LHX6: variants seen among roughly 807,000 people sequenced by gnomAD.
The protein encoded by LHX6 is LIM/homeobox protein Lhx6.
Under a neutral mutation model 47.1 loss-of-function variants are expected in LHX6, and 15 were observed. That is an observed-to-expected ratio of 0.32 (90% CI 0.21 to 0.49). The LOEUF (loss-of-function observed/expected upper bound fraction) is 0.49. Among genes scored for constraint, LHX6 ranks in the 20% least tolerant of loss-of-function variants. The probability of loss-of-function intolerance (pLI) is 0.99; values close to 1 mark genes in which losing one functional copy is unlikely to be tolerated. For synonymous variants in LHX6, 242 were observed against 233.5 expected (o/e 1.04, Z -0.33); for missense variants, 404 against 539.6 (o/e 0.75, Z 2.49).
Position 122,203,852 on chromosome 9 carries a change from A to AT in LHX6, c.*907dup, listed in dbSNP as rs1404028563. 6.6e-6 allele frequency: 1 copy of AT among 152,468 alleles called. No individual in the cohort carries two copies. Among genetic ancestry groups the AT allele is most frequent in the Non-Finnish European group, 1.5e-5 (1 of 68,118 alleles). 9.4% of individuals were successfully genotyped at this position (152,468 alleles called of 1,614,324 possible). On this transcript the variant is annotated 3_prime_UTR_variant, in exon 10 of 10. Coordinates refer to ENST00000394319, the MANE Select transcript of LHX6 (RefSeq NM_014368.5). The stretch of plus-strand genomic sequence containing the variant: ...GAGAAGACCTGGCCCAAGCACCACT[A>AT]TGAGAGGTCAACAAGTGGCCAACAG...
chr9:122,219,710 C>A (rs758736397), intron 4 of LHX6, among the ~76,000 whole-genome samples: 9 of 152,132 alleles, frequency 5.9e-5, no homozygotes, highest in Non-Finnish European at 1.2e-4. Flanking sequence ...TAGGAGGAAT[C>A]GAAGGTTCAG....
chr9:122,218,668 C>CCTCA (rs1400538114), intron 4 of LHX6, among the ~76,000 whole-genome samples: 2 of 152,118 alleles, frequency 1.3e-5, no homozygotes, highest in African/African-American at 4.8e-5. Flanking sequence ...TCCACTCTAC[C>CCTCA]CTCAGGATCT....
chr9:122,221,232 A>C, intron 4 of LHX6: 1 of 985,394 alleles, frequency 1.0e-6, no homozygotes, highest in Non-Finnish European at 1.2e-6. Flanking sequence ...GGGGGAAAAA[A>C]AACCCAGAAC....
Position 122,213,966 on chromosome 9 carries a change from C to A in LHX6, c.879+8G>T, listed in dbSNP as rs774253115. On this transcript the variant is annotated splice_region_variant and intron_variant, in intron 7 of 9. Coordinates refer to ENST00000394319, the MANE Select transcript of LHX6 (RefSeq NM_014368.5). The surrounding 1 kb of genome is among the most constrained non-coding windows in gnomAD (Gnocchi z 5.5). ...GCGGTCCCCAGGCCCCGCCCACCCC[C>A]GTCCCACCTGGATGACTCTCCGGCT... 7 of 1,580,124 alleles carry A rather than the reference C, an allele frequency of 4.4e-6. No individual in the cohort carries two copies. Among genetic ancestry groups the A allele is most frequent in the Non-Finnish European group, 5.2e-6 (6 of 1,161,538 alleles).
intron 9 of LHX6, among the ~76,000 whole-genome samples, chr9:122,208,197 A>G (rs923691607): frequency 3.7e-4 from 57 of 152,056 alleles, no homozygotes; most frequent in Admixed American, 1.3e-4. Context: ...CCTCCCAGAC[A>G]TGCCTGCCAA....
At position 122,209,571 on chromosome 9, in the gene LHX6, C is replaced by G. The variant is rs758841870; in HGVS notation, c.1158+43G>C. On this transcript the variant is annotated intron_variant, in intron 9 of 9. Coordinates refer to ENST00000394319, the MANE Select transcript of LHX6 (RefSeq NM_014368.5). Reference sequence around the variant, plus strand: ...GATGCTGCCAGAAACCCATCCCCAGCAGGGTGGCTCTGACCCACCAGACCC... The same window carrying G: ...GATGCTGCCAGAAACCCATCCCCAGGAGGGTGGCTCTGACCCACCAGACCC... 34 of 1,613,018 alleles carry G rather than the reference C, an allele frequency of 2.1e-5. No individual in the cohort carries two copies. The East Asian group carries it at 7.6e-4, about 36-fold the overall frequency.
intron 2 of LHX6, 172 bp downstream of exon 2, chr9:122,227,237 G>A (rs1003798437): frequency 1.2e-6 from 1 of 814,570 alleles, no homozygotes; most frequent in African/African-American, 1.8e-5. Flanking sequence ...TGGGTGCTGG[G>A]AGCGGTTAAA....
In LHX6 at chr9:122,204,716, C is replaced by T. The variant is rs766059909; in HGVS notation, c.*44G>A. ...ACACTGGATCTCAGCGGCTGAGGGG[C>T]AGCTGTGGGGCGCCCACGGGCAGAT... is the stretch of plus-strand genomic sequence containing the variant. On this transcript the variant is annotated 3_prime_UTR_variant, in exon 10 of 10. Transcript: ENST00000394319. 3.8e-6 allele frequency: 6 copies of T among 1,592,920 alleles called. No homozygotes were observed. The highest frequency in any genetic ancestry group is 1.7e-4 in the Middle Eastern group (1 of 5,894).
At chr9:122,227,528 G>T (rs1200062339) in intron 1 of LHX6, 48 bp from the exon 2 acceptor site, 1 of 1,515,930 alleles carries the variant, frequency 6.6e-7, no homozygotes, top group Admixed American at 2.1e-5. Flanking sequence ...TGCTGAACTG[G>T]CTCCGCACAG....
chr9:122,228,908 C>G lies in LHX6; in HGVS notation c.-168G>C, dbSNP rs1209796396. On this transcript the variant is annotated 5_prime_UTR_variant, in exon 1 of 10. Coordinates refer to ENST00000394319, the MANE Select transcript of LHX6 (RefSeq NM_014368.5). The stretch of plus-strand genomic sequence containing the variant: ...GCCCCCGCCCCCGGCCCGCGCGCAG[C>G]CCCGGCCTCCCTGGCTGCTGCCGCC... The G allele has an allele frequency of 1.5e-5, 4 of 263,568 alleles. No individual in the cohort carries two copies. The highest frequency in any genetic ancestry group is 2.6e-5 in the Non-Finnish European group (4 of 152,540). 16.3% of individuals were successfully genotyped at this position (263,568 alleles called of 1,614,324 possible).
chr9:122,218,749 T>A (rs1830694153), intron 4 of LHX6, among the ~76,000 whole-genome samples: 1 of 152,002 alleles, frequency 6.6e-6, no homozygotes, highest in Non-Finnish European at 1.5e-5. Context: ...CTCCCTAACC[T>A]TCAAGATATG....
chr9:122,210,187 G>T (rs1035538328), intron 8 of LHX6, among the ~76,000 whole-genome samples: 1 of 151,870 alleles, frequency 6.6e-6, no homozygotes, highest in African/African-American at 2.4e-5. Context: ...CAAAGTGCTG[G>T]GATTACAGGC....
chr9:122,227,680 T>G, intron 1 of LHX6, 200 bp from the exon 2 acceptor site: 1 of 1,125,222 alleles, frequency 8.9e-7, no homozygotes, highest in South Asian at 2.2e-5. Flanking sequence ...TTGGATTTTT[T>G]CCCTCTCTCT....
Position 122,213,553 on chromosome 9 carries a change from C to A in LHX6, c.1054+53G>T. 1.3e-6 allele frequency: 2 copies of A among 1,482,992 alleles called. No homozygotes were observed. The highest frequency in any genetic ancestry group is 1.8e-6 in the Non-Finnish European group (2 of 1,119,056). 91.9% of individuals were successfully genotyped at this position (1,482,992 alleles called of 1,614,324 possible). A position where few individuals can be genotyped will look rare whatever the true frequency, so the allele number is the denominator to read the frequency against. On this transcript the variant is annotated intron_variant, in intron 8 of 9. Coordinates refer to ENST00000394319, the MANE Select transcript of LHX6 (RefSeq NM_014368.5). This position sits in a 1 kb window ranked among gnomAD's most constrained non-coding sequence, Gnocchi z 5.5. ...CGGCCTCAGCCGCCCACGTGCGCTCCTCCGCGCCCCCTCCCCGCAGGCCCA... is the reference window on the plus strand; with the variant it reads ...CGGCCTCAGCCGCCCACGTGCGCTCATCCGCGCCCCCTCCCCGCAGGCCCA...
intron 5 of LHX6, 118 bp downstream of exon 5, chr9:122,216,950 G>A (rs555665312): frequency 3.6e-6 from 3 of 826,328 alleles, no homozygotes; most frequent in Non-Finnish European, 3.9e-6. Flanking sequence ...CGCTGCCTGC[G>A]GGACTATACC....
In LHX6 at chr9:122,227,030, C is replaced by T. The variant is rs1789219099; in HGVS notation, c.157G>A (p.Ala53Thr). 4 of 1,482,386 alleles carry T rather than the reference C, an allele frequency of 2.7e-6. No individual in the cohort carries two copies. The highest frequency in any genetic ancestry group is 2.7e-6 in the Non-Finnish European group (3 of 1,114,080). The allele number at this position is 1,482,386 out of a possible 1,614,324, so 91.8% of individuals were successfully genotyped here. A position where few individuals can be genotyped will look rare whatever the true frequency, so the allele number is the denominator to read the frequency against. ...CLEGTAPPAM[A>T]QSDAEALAGA... ...GCCAGGGCCTCGGCGTCAGACTGAG[C>T]CTGCGGCGGGGGAGAGAAGGAGAGG... Residue 53 changes from alanine (A) to threonine (T), a missense_variant and splice_region_variant, in exon 3 of 10, where the codon GCT (alanine) becomes ACT (threonine). By Grantham distance (58) the Ala-to-Thr change is moderately conservative. Around this residue, in one of 7 missense-constraint regions of LHX6, gnomAD observed 144 missense variants for 128.7 expected, o/e 1.12. Coordinates refer to ENST00000394319, the MANE Select transcript of LHX6 (RefSeq NM_014368.5).
Position 122,214,075 on chromosome 9 carries a change from G to A in LHX6, c.784-6C>T, listed in dbSNP as rs757370114. ...GCGAACTGCGCCTGCATAACCTGCG[G>A]GGCGGGGAGGGCGGTGAGGCGCTCG... On this transcript the variant is annotated splice_region_variant and splice_polypyrimidine_tract_variant and intron_variant, in intron 6 of 9. Coordinates refer to ENST00000394319, the MANE Select transcript of LHX6 (RefSeq NM_014368.5). This position sits in a 1 kb window ranked among gnomAD's most constrained non-coding sequence, Gnocchi z 4.6. 2 of 1,597,818 alleles carry A rather than the reference G, an allele frequency of 1.3e-6. No homozygotes were observed. The highest frequency in any genetic ancestry group is 1.7e-6 in the Non-Finnish European group (2 of 1,178,130).
At chr9:122,227,317 G>T in intron 2 of LHX6, 92 bp downstream of exon 2, 3 of 1,255,996 alleles carry the variant, frequency 2.4e-6, no homozygotes, top group South Asian at 1.6e-5. Flanking sequence ...CCCAGAGCGT[G>T]AGCAGCAGTT....
intron 1 of LHX6, chr9:122,228,009 C>T (rs1001910106): frequency 2.8e-5 from 7 of 247,296 alleles, no homozygotes; most frequent in Middle Eastern, 3.1e-3. Flanking sequence ...GCACAAAATG[C>T]AAAAAGGAGA....
Sources: gnomAD v4.1 joint callset for allele counts (sites outside exome capture counted in the v4.1 genomes callset) on GRCh38, gnomAD v4.1.1 for gene constraint, gnomAD v4.1.1 regional missense constraint, Gnocchi (gnomAD v3.1) non-coding constraint, MANE v1.5 for transcripts, NCBI Gene and HGNC (gene_info 2026-07-23, HGNC 2026-07-21) for gene names.